The following MEGF11 variants were observed in gnomAD, a reference collection of about 807,000 sequenced individuals.
MEGF11 encodes multiple epidermal growth factor-like domains protein 11.
MEGF11 carries 126 observed loss-of-function variants against 146.6 expected under a neutral mutation model. The ratio of observed to expected loss-of-function variants is 0.86; its 90% confidence interval spans 0.74 to 1.00. MEGF11 has a LOEUF of 1.00. Ranked by LOEUF, MEGF11 falls within the 50% of genes least tolerant of loss-of-function variation. The pLI is 0.00. For missense variants in MEGF11, 1,509 were observed against 1,521.2 expected (o/e 0.99, Z 0.13); for synonymous variants, 532 against 583.4 (o/e 0.91, Z 1.27).
chr15:65,964,556 G>A (rs768451836), intron 9 of MEGF11, among the ~76,000 whole-genome samples: 9 of 152,152 alleles, frequency 5.9e-5, no homozygotes, highest in Non-Finnish European at 1.0e-4. Context: ...TGTGGCACCC[G>A]AGCCCTGCCA....
At chr15:66,115,492 G>A (rs1473676793) in intron 4 of MEGF11, among the ~76,000 whole-genome samples, 8 of 152,248 alleles carry the variant, frequency 5.3e-5, no homozygotes, top group Non-Finnish European at 1.0e-4. Flanking sequence ...ACAAGAACAG[G>A]AGGATGCTGG....
At chr15:65,919,915 T>G (rs561985404) in intron 15 of MEGF11, among the ~76,000 whole-genome samples, 1 of 132,566 alleles carries the variant, frequency 7.5e-6, no homozygotes, top group African/African-American at 2.7e-5. Context: ...GGCCAAACTT[T>G]TAATTTAAAC....
intron 1 of MEGF11, among the ~76,000 whole-genome samples, chr15:66,150,389 A>G (rs2089518411): frequency 6.6e-6 from 1 of 152,232 alleles, no homozygotes; most frequent in Non-Finnish European, 1.5e-5. Context: ...TGTTAATGAC[A>G]TGTAATATTA....
intron 15 of MEGF11, 51 bp from the exon 16 acceptor site, chr15:65,918,145 ACCT>A: frequency 1.2e-6 from 2 of 1,605,696 alleles, no homozygotes; most frequent in Non-Finnish European, 1.7e-6. Flanking sequence ...TGTTCCTCTG[ACCT>A]CCACCCACAG....
intron 13 of MEGF11, among the ~76,000 whole-genome samples, chr15:65,923,834 TGAA>T (rs2141265258): frequency 6.6e-6 from 1 of 152,154 alleles, no homozygotes; most frequent in African/African-American, 2.4e-5. Context: ...AGCCTGAAGG[TGAA>T]GAAGGAATTT....
intron 1 of MEGF11, among the ~76,000 whole-genome samples, chr15:66,236,426 G>T (rs564293681): frequency 7.6e-4 from 116 of 152,294 alleles, no homozygotes; most frequent in African/African-American, 2.7e-3. Flanking sequence ...TGTGGACTGG[G>T]GAGGGAAAAG....
At chr15:65,942,336 A>G (rs1206816815) in intron 10 of MEGF11, among the ~76,000 whole-genome samples, 1 of 152,146 alleles carries the variant, frequency 6.6e-6, no homozygotes, top group Non-Finnish European at 1.5e-5. Context: ...GAAGGCAGAA[A>G]TGGCTTATGG....
intron 1 of MEGF11, among the ~76,000 whole-genome samples, chr15:66,138,565 C>G (rs1021264182): frequency 6.6e-6 from 1 of 152,126 alleles, no homozygotes; most frequent in Non-Finnish European, 1.5e-5. Flanking sequence ...TCACGGCCGG[C>G]ACTTCACCTC....
At chr15:66,211,536 A>G (rs1375483297) in intron 1 of MEGF11, among the ~76,000 whole-genome samples, 1 of 151,768 alleles carries the variant, frequency 6.6e-6, no homozygotes, top group Non-Finnish European at 1.5e-5. Flanking sequence ...AAAAAAAAAA[A>G]AAAAAGAAAA....
At chr15:66,024,272 C>T (rs547086540) in intron 5 of MEGF11, among the ~76,000 whole-genome samples, 49 of 152,372 alleles carry the variant, frequency 3.2e-4, no homozygotes, top group Non-Finnish European at 5.6e-4. Flanking sequence ...ATGGGGGCAG[C>T]GCCACCAGCT....
intron 5 of MEGF11, among the ~76,000 whole-genome samples, chr15:66,086,613 A>G (rs1342700343): frequency 6.6e-6 from 1 of 152,210 alleles, no homozygotes; most frequent in Non-Finnish European, 1.5e-5. Flanking sequence ...ACAAATGCTG[A>G]GAGAATTCGC....
At chr15:65,916,559 T>C (rs1352416075) in intron 17 of MEGF11, 2 of 674,380 alleles carry the variant, frequency 3.0e-6, no homozygotes, top group East Asian at 5.5e-5. Flanking sequence ...TGGGCCCCAC[T>C]GTCCAAGGAA....
intron 8 of MEGF11, among the ~76,000 whole-genome samples, chr15:65,969,250 G>A (rs1596929197): frequency 6.6e-6 from 1 of 152,166 alleles, no homozygotes; most frequent in African/African-American, 2.4e-5. Flanking sequence ...AACAACAAGC[G>A]GGCGGTTTGC....
chr15:66,082,447 AAAAAAAAAAAAAAAAAAAAATCTATCT>A (rs2085902757), intron 5 of MEGF11, among the ~76,000 whole-genome samples: 2 of 113,568 alleles, frequency 1.8e-5, no homozygotes, highest in African/African-American at 7.4e-5. Flanking sequence ...AAAAAAAAAA[AAAAAAAAAAAAAAAAAAAAATCTATCT>A]ATCTATCTAT....
chr15:66,184,911 T>A (rs1054138272), intron 1 of MEGF11, among the ~76,000 whole-genome samples: 2 of 152,036 alleles, frequency 1.3e-5, no homozygotes, highest in African/African-American at 4.8e-5. Context: ...CTCCTTTGCT[T>A]TACGTGTTCC....
chr15:65,940,538 C>G (rs2079952290), intron 10 of MEGF11, among the ~76,000 whole-genome samples: 1 of 152,258 alleles, frequency 6.6e-6, no homozygotes. Flanking sequence ...ACAGCAGCCT[C>G]TCCAACGCAG....
At chr15:66,090,613 G>GA (rs1239556166) in intron 5 of MEGF11, among the ~76,000 whole-genome samples, 7 of 152,180 alleles carry the variant, frequency 4.6e-5, no homozygotes, top group Non-Finnish European at 7.4e-5. Context: ...TCTAAACTCT[G>GA]AAAAATTCTA....
intron 1 of MEGF11, among the ~76,000 whole-genome samples, chr15:66,196,259 G>A (rs2091007113): frequency 6.6e-6 from 1 of 152,094 alleles, no homozygotes; most frequent in Non-Finnish European, 1.5e-5. Context: ...ATCACCTGAG[G>A]TCAGGAGTTT....
chr15:66,153,308 C>A (rs2089635795), intron 1 of MEGF11, among the ~76,000 whole-genome samples: 2 of 152,200 alleles, frequency 1.3e-5, no homozygotes, highest in Non-Finnish European at 2.9e-5. Context: ...GGCGCGGTGG[C>A]TCACACCTGT....
Sources: gnomAD v4.1 joint callset for allele counts (sites outside exome capture counted in the v4.1 genomes callset) on GRCh38, gnomAD v4.1.1 for gene constraint, MANE v1.5 for transcripts, NCBI Gene and HGNC (gene_info 2026-07-23, HGNC 2026-07-21) for gene names.